The following PTPRG variants were observed in gnomAD, a reference collection of about 807,000 sequenced individuals.
PTPRG encodes the protein receptor-type tyrosine-protein phosphatase gamma.
Under a neutral mutation model 165.3 loss-of-function variants are expected in PTPRG, and 102 were observed. The observed-to-expected ratio is 0.62, with a 90% CI of 0.53 to 0.73. PTPRG has a LOEUF of 0.73. Among genes scored for constraint, PTPRG ranks in the 30% least tolerant of loss-of-function variants. The pLI, the probability that PTPRG is intolerant of heterozygous loss-of-function variation, is 0.00. For synonymous variants in PTPRG, 675 were observed against 669.5 expected, an observed-to-expected ratio of 1.01 and a Z score of -0.13; for missense variants, 1,866 against 1,861.4, an observed-to-expected ratio of 1.00 and a Z score of -0.05.
intron 15 of PTPRG, among the ~76,000 whole-genome samples, chr3:62,251,260 C>T (rs773810714): frequency 6.6e-6 from 1 of 152,190 alleles, no homozygotes; most frequent in Non-Finnish European, 1.5e-5. Context: ...TGACGTGGGC[C>T]TGTAGTCCCA....
At chr3:62,007,717 G>A (rs900895067) in intron 4 of PTPRG, among the ~76,000 whole-genome samples, 8 of 152,218 alleles carry the variant, frequency 5.3e-5, no homozygotes, top group Admixed American at 2.0e-4. Flanking sequence ...ATAGTCTGAA[G>A]TAGAGGGACA....
At chr3:61,795,862 G>A (rs554554095) in intron 2 of PTPRG, among the ~76,000 whole-genome samples, 26 of 152,098 alleles carry the variant, frequency 1.7e-4, no homozygotes, top group Admixed American at 2.6e-4. Context: ...GTAAAAGTTC[G>A]TATGGCTTTG....
chr3:61,920,394 CT>C (rs2039049439), intron 2 of PTPRG, among the ~76,000 whole-genome samples: 1 of 151,956 alleles, frequency 6.6e-6, no homozygotes, highest in African/African-American at 2.4e-5. Flanking sequence ...TTTTTTAAGA[CT>C]TTTTTTATTT....
intron 14 of PTPRG, 90 bp from the exon 15 acceptor site, chr3:62,243,717 C>T: frequency 1.3e-6 from 1 of 795,190 alleles, no homozygotes; most frequent in Non-Finnish European, 2.0e-6. Context: ...ATGTTTAAAG[C>T]TGGGAAGATC....
intron 2 of PTPRG, among the ~76,000 whole-genome samples, chr3:61,826,195 T>C (rs1388524684): frequency 6.6e-6 from 1 of 152,186 alleles, no homozygotes; most frequent in East Asian, 1.9e-4. Context: ...CCTGATTTGT[T>C]TCTCTCGTGG....
intron 2 of PTPRG, among the ~76,000 whole-genome samples, chr3:61,887,567 G>A (rs1477602532): frequency 2.0e-5 from 3 of 152,068 alleles, no homozygotes; most frequent in Non-Finnish European, 4.4e-5. Context: ...TGAAATTCTG[G>A]GAACTTTTTA....
chr3:62,242,272 T>A (rs759550449), intron 14 of PTPRG, among the ~76,000 whole-genome samples: 3 of 152,226 alleles, frequency 2.0e-5, no homozygotes, highest in Non-Finnish European at 2.9e-5. Context: ...CAAAGAGTGA[T>A]GAAAACTTGT....
At chr3:62,266,446 G>A (rs1034770453) in intron 17 of PTPRG, among the ~76,000 whole-genome samples, 1 of 152,066 alleles carries the variant, frequency 6.6e-6, no homozygotes, top group Non-Finnish European at 1.5e-5. Flanking sequence ...TGCAATTAAT[G>A]ACTACTAAGG....
At position 61,678,933 on chromosome 3, in the gene PTPRG, A is replaced by G. The variant is rs1428373376; in HGVS notation, c.86-69945A>G. 5.3e-5 allele frequency among the ~76,000 whole-genome samples: 8 copies of G among 151,154 alleles called. No homozygotes were observed. The South Asian group carries it at 8.4e-4, about 16-fold the overall frequency. ...CATTAGTATCTCTGTATTATGTGCA[A>G]TTTTTTTTTCCTTGAAAGCATTTCT... On this transcript the variant is annotated intron_variant, in intron 1 of 29. Transcript: ENST00000474889.
At chr3:62,277,741 T>C in intron 26 of PTPRG, 62 bp downstream of exon 26, 1 of 1,593,704 alleles carries the variant, frequency 6.3e-7, no homozygotes, top group Non-Finnish European at 8.5e-7. Flanking sequence ...TAAATTACTT[T>C]GATACTTTGC....
intron 1 of PTPRG, among the ~76,000 whole-genome samples, chr3:61,693,490 C>T: frequency 6.6e-6 from 1 of 152,168 alleles, no homozygotes; most frequent in Admixed American, 6.5e-5. Context: ...ATTCAGCAGA[C>T]ATTTTCTGCC....
chr3:62,002,839 T>C (rs2041206698), intron 3 of PTPRG, among the ~76,000 whole-genome samples: 1 of 152,226 alleles, frequency 6.6e-6, no homozygotes, highest in South Asian at 2.1e-4. Context: ...TGCCTTGATA[T>C]TGGAAGCACC....
chr3:61,735,370 C>A (rs562570822), intron 1 of PTPRG, among the ~76,000 whole-genome samples: 3 of 152,098 alleles, frequency 2.0e-5, no homozygotes, highest in African/African-American at 7.2e-5. Context: ...TTTCTTTCTG[C>A]AATTGAAGAG....
chr3:61,737,415 GC>G (rs1198660527), intron 1 of PTPRG, among the ~76,000 whole-genome samples: 1 of 152,124 alleles, frequency 6.6e-6, no homozygotes, highest in Non-Finnish European at 1.5e-5. Flanking sequence ...AAGAAAACTT[GC>G]CTAAATCTTA....
At chr3:62,036,166 G>C (rs1277541328) in intron 4 of PTPRG, among the ~76,000 whole-genome samples, 1 of 152,132 alleles carries the variant, frequency 6.6e-6, no homozygotes, top group African/African-American at 2.4e-5. Flanking sequence ...GAAAAATACA[G>C]CATAGGTTAA....
intron 3 of PTPRG, among the ~76,000 whole-genome samples, chr3:61,993,152 C>CTT (rs879341940): frequency 3.7e-5 from 5 of 136,966 alleles, no homozygotes; most frequent in African/African-American, 8.5e-5. Context: ...TAACCTATTT[C>CTT]TTTTTTTTTT....
chr3:62,189,513 C>A (rs1699752596), intron 8 of PTPRG, among the ~76,000 whole-genome samples: 1 of 152,194 alleles, frequency 6.6e-6, no homozygotes, highest in Non-Finnish European at 1.5e-5. Flanking sequence ...GCCAGCACGC[C>A]CGCTTACTTC....
intron 1 of PTPRG, among the ~76,000 whole-genome samples, chr3:61,729,763 TTTTTA>T (rs1403016475): frequency 6.6e-6 from 1 of 152,184 alleles, no homozygotes; most frequent in African/African-American, 2.4e-5. Context: ...GTTATGGTTA[TTTTTA>T]TTTTCTTGTT....
chr3:61,813,327 TAAAAAAAAAAA>T (rs757811011), intron 2 of PTPRG, among the ~76,000 whole-genome samples: 1 of 87,504 alleles, frequency 1.1e-5, no homozygotes, highest in African/African-American at 4.4e-5. Context: ...CCATGATTAC[TAAAAAAAAAAA>T]AAAAAAAATA....
Sources: gnomAD v4.1 joint callset for allele counts (sites outside exome capture counted in the v4.1 genomes callset) on GRCh38, gnomAD v4.1.1 for gene constraint, MANE v1.5 for transcripts, NCBI Gene and HGNC (gene_info 2026-07-23, HGNC 2026-07-21) for gene names.